Variants in MYT1L observed in about 807,000 individuals in gnomAD.
MYT1L encodes myelin transcription factor 1-like protein.
MYT1L carries 12 observed loss-of-function variants against 126.7 expected under a neutral mutation model. The ratio of observed to expected loss-of-function variants is 0.09; its 90% CI spans 0.06 to 0.15. The LOEUF (loss-of-function observed/expected upper bound fraction) is 0.15, where lower values mean the gene tolerates loss of function less well. MYT1L is among the 10% of genes least tolerant of loss of function. The pLI is 1.00. For synonymous variants in MYT1L, 541 were observed against 604.2 expected (o/e 0.90, Z 1.53); for missense variants, 979 against 1,585.2 (o/e 0.62, Z 6.49).
intron 21 of MYT1L, among the ~76,000 whole-genome samples, chr2:1,830,211 G>T (rs1030342778): frequency 6.6e-6 from 1 of 152,122 alleles, no homozygotes; most frequent in Non-Finnish European, 1.5e-5. Flanking sequence ...AGTCACTCAC[G>T]GGGGGTCAGG....
Position 1,943,385 on chromosome 2 carries a change from T to C in MYT1L, c.153-51A>G. On this transcript the variant is annotated intron_variant, in intron 8 of 24. Coordinates refer to ENST00000647738, the MANE Select transcript of MYT1L (RefSeq NM_001303052.2). The surrounding 1 kb of genome is among the most constrained non-coding windows in gnomAD (Gnocchi z 4.4). ...GGGAGAGAGAGAAAAAAAATATCTG[T>C]GTTACTGTCTTTTAAAATCAGACCA... The C allele has an allele frequency of 6.8e-7, 1 of 1,471,592 alleles. No individual in the cohort carries two copies. 91.2% of individuals were successfully genotyped at this position (1,471,592 alleles called of 1,614,324 possible). A position where few individuals can be genotyped will look rare whatever the true frequency, so the allele number is the denominator to read the frequency against.
At chr2:2,171,014 T>C (rs1359378412) in intron 3 of MYT1L, among the ~76,000 whole-genome samples, 7 of 152,150 alleles carry the variant, frequency 4.6e-5, no homozygotes, top group African/African-American at 1.7e-4. Flanking sequence ...CCTGGAGACC[T>C]TTGGGTGACA....
intron 18 of MYT1L, among the ~76,000 whole-genome samples, chr2:1,862,809 T>C (rs1021486797): frequency 4.6e-5 from 7 of 152,090 alleles, no homozygotes; most frequent in African/African-American, 1.7e-4. Flanking sequence ...GTGACGTGTG[T>C]TCCCTGGGGA....
At chr2:2,004,255 AGGCGTTCTTTCC>A (rs2062825612) in intron 4 of MYT1L, among the ~76,000 whole-genome samples, 1 of 138,546 alleles carries the variant, frequency 7.2e-6, no homozygotes, top group Non-Finnish European at 1.6e-5. Flanking sequence ...TCTTTCCTGC[AGGCGTTCTTTCC>A]TGCAGGCGTT....
intron 18 of MYT1L, among the ~76,000 whole-genome samples, chr2:1,873,685 G>C (rs1028421195): frequency 3.9e-5 from 6 of 152,228 alleles, no homozygotes; most frequent in Non-Finnish European, 7.3e-5. Context: ...GTGCTGGCCT[G>C]CTGGGGAGCG....
In MYT1L at chr2:2,271,797, A is replaced by G. The variant is rs138355684; in HGVS notation, c.-421+12607T>C. On this transcript the variant is annotated intron_variant, in intron 2 of 24. Coordinates refer to ENST00000647738, the MANE Select transcript of MYT1L (RefSeq NM_001303052.2). ...TGCCAGCTCCCTGGACAAGGATGCCATGCCCATGACCTCATTCCACCCCAA... is the reference window on the plus strand; with the variant it reads ...TGCCAGCTCCCTGGACAAGGATGCCGTGCCCATGACCTCATTCCACCCCAA... Among the ~76,000 whole-genome samples the G allele has an allele frequency of 3.9e-5, 6 of 152,284 alleles. No individual in the cohort carries two copies. The East Asian group carries it at 7.7e-4, about 20-fold the overall frequency.
intron 3 of MYT1L, among the ~76,000 whole-genome samples, chr2:2,131,543 G>A (rs748256512): frequency 1.4e-4 from 22 of 152,134 alleles, no homozygotes; most frequent in Non-Finnish European, 2.4e-4. Context: ...TGGACATATG[G>A]TTACAGAGAT....
chr2:2,206,151 T>A (rs560282234), intron 2 of MYT1L, among the ~76,000 whole-genome samples: 53 of 151,958 alleles, frequency 3.5e-4, no homozygotes, highest in African/African-American at 1.2e-3. Flanking sequence ...CCCAGCTAAT[T>A]TTTTTTAGTA....
chr2:2,265,657 G>C (rs1034259328), intron 2 of MYT1L, among the ~76,000 whole-genome samples: 2 of 152,128 alleles, frequency 1.3e-5, no homozygotes, highest in Non-Finnish European at 2.9e-5. Flanking sequence ...GGTTGTGACC[G>C]TGAGAAAGAT....
chr2:1,985,747 T>C (rs1186515708), intron 5 of MYT1L, among the ~76,000 whole-genome samples: 2 of 152,240 alleles, frequency 1.3e-5, no homozygotes, highest in Admixed American at 1.3e-4. Flanking sequence ...ATCAAAATGA[T>C]GACAGGTTGC....
chr2:2,140,158 A>G (rs531162213), intron 3 of MYT1L, among the ~76,000 whole-genome samples: 1 of 152,340 alleles, frequency 6.6e-6, no homozygotes, highest in Admixed American at 6.5e-5. Context: ...CTTTCAAAAC[A>G]AGAAAGTTGT....
chr2:1,820,231 C>T (rs1384720548), intron 21 of MYT1L, among the ~76,000 whole-genome samples: 1 of 152,172 alleles, frequency 6.6e-6, no homozygotes, highest in Admixed American at 6.5e-5. Flanking sequence ...ACTGAGTGTG[C>T]AATCATTTTC....
In MYT1L at chr2:2,142,755, C is replaced by T. The variant is rs75271162; in HGVS notation, c.-304+30117G>A. 5.7e-4 allele frequency among the ~76,000 whole-genome samples: 86 copies of T among 151,984 alleles called. 1 individual carries two copies. The East Asian group carries it at 0.014, about 24-fold the overall frequency. ...AGGCTGGAGTGCAATGGCATGATCT[C>T]GGCTCACTGCAACCTCTGCCTCCTG... On this transcript the variant is annotated intron_variant, in intron 3 of 24. Coordinates refer to ENST00000647738, the MANE Select transcript of MYT1L (RefSeq NM_001303052.2).
chr2:2,088,572 G>A (rs1242567912), intron 3 of MYT1L, among the ~76,000 whole-genome samples: 1 of 152,066 alleles, frequency 6.6e-6, no homozygotes, highest in African/African-American at 2.4e-5. Context: ...TGTGGGAGCG[G>A]GGCCAGCTGC....
intron 2 of MYT1L, among the ~76,000 whole-genome samples, chr2:2,266,983 C>T (rs1012891484): frequency 2.0e-5 from 3 of 152,198 alleles, no homozygotes; most frequent in Admixed American, 2.0e-4. Context: ...TGAGAACAGA[C>T]TAATACAGCC....
At chr2:1,908,446 C>T (rs890845866) in intron 13 of MYT1L, among the ~76,000 whole-genome samples, 4 of 151,824 alleles carry the variant, frequency 2.6e-5, no homozygotes, top group Non-Finnish European at 4.4e-5. Context: ...GAGCAGTCCC[C>T]GGGAGCAGGG....
chr2:1,863,753 T>G (rs2045058507), intron 18 of MYT1L, among the ~76,000 whole-genome samples: 2 of 143,480 alleles, frequency 1.4e-5, no homozygotes. Flanking sequence ...GGGGGGGCAT[T>G]TGGGGATATT....
At chr2:2,094,957 T>A (rs747764077) in intron 3 of MYT1L, among the ~76,000 whole-genome samples, 1 of 152,222 alleles carries the variant, frequency 6.6e-6, no homozygotes. Flanking sequence ...AGTTCTCATG[T>A]CTAGCATTCA....
At chr2:2,005,958 G>A (rs2063271995) in intron 4 of MYT1L, among the ~76,000 whole-genome samples, 2 of 149,656 alleles carry the variant, frequency 1.3e-5, no homozygotes, top group African/African-American at 5.0e-5. Flanking sequence ...TTTCCTGAAT[G>A]CGTTCTTTCC....
Sources: allele counts gnomAD v4.1 joint callset (sites outside exome capture counted in the v4.1 genomes callset), GRCh38; gene constraint gnomAD v4.1.1; non-coding constraint Gnocchi (gnomAD v3.1); transcripts MANE v1.5; gene names NCBI Gene and HGNC (gene_info 2026-07-23, HGNC 2026-07-21).